Variants in ROBO1 observed in about 807,000 individuals in gnomAD.
ROBO1 encodes roundabout guidance receptor 1.
A neutral mutation model predicts 195.9 loss-of-function variants in ROBO1; 149 were observed. The observed-to-expected ratio is 0.76, with a 90% CI of 0.67 to 0.87. The LOEUF (loss-of-function observed/expected upper bound fraction) is 0.87. ROBO1 is among the 40% of genes least tolerant of loss of function. The probability of loss-of-function intolerance (pLI) is 0.00; values close to 1 mark genes in which losing one functional copy is unlikely to be tolerated. For synonymous variants in ROBO1, 816 were observed against 733.2 expected (o/e 1.11, Z -1.82); for missense variants, 1,933 against 2,068.3 (o/e 0.93, Z 1.27).
chr3:79,335,133 C>T (rs542336874), intron 2 of ROBO1, among the ~76,000 whole-genome samples: 10 of 151,908 alleles, frequency 6.6e-5, no homozygotes, highest in Admixed American at 2.6e-4. Flanking sequence ...AAACAAAAAA[C>T]GCAAAATGGA....
rs527755400 is a variant in ROBO1, at chr3:79,193,386, A to G, written c.89-67847T>C. Among the ~76,000 whole-genome samples, 3 of 151,736 alleles carry G rather than the reference A, an allele frequency of 2.0e-5. No homozygotes were observed. In the South Asian group the frequency reaches 6.2e-4, roughly 32 times the overall value. Reference sequence around the variant, plus strand: ...ATTTAATGGTCAAAATGACCTCATGAAATAGTCATTATTATTCTCATGTTA... The same window carrying G: ...ATTTAATGGTCAAAATGACCTCATGGAATAGTCATTATTATTCTCATGTTA... On this transcript the variant is annotated intron_variant, in intron 2 of 30. Coordinates refer to ENST00000464233, the MANE Select transcript of ROBO1 (RefSeq NM_002941.4).
At position 79,728,039 on chromosome 3, in the gene ROBO1, G is replaced by A. The variant is rs147577943; in HGVS notation, c.-51+39713C>T. 2.8e-3 allele frequency among the ~76,000 whole-genome samples: 419 copies of A among 151,900 alleles called. 2 individuals carry two copies. The highest frequency in any genetic ancestry group is 8.3e-3 in the African/African-American group (343 of 41,444). On this transcript the variant is annotated intron_variant, in intron 1 of 30. Transcript: ENST00000464233. ...CTTCAAAATTAGAAAAAATAATCAC[G>A]CCCCAAGTGCTTATCTTGTTATGTC...
chr3:79,750,613 A>T (rs1289279872), intron 1 of ROBO1, among the ~76,000 whole-genome samples: 1 of 152,180 alleles, frequency 6.6e-6, no homozygotes, highest in Non-Finnish European at 1.5e-5. Context: ...GTGACAGTGA[A>T]TGAATCTCCT....
intron 2 of ROBO1, among the ~76,000 whole-genome samples, chr3:79,169,790 C>T (rs2081134545): frequency 6.6e-6 from 1 of 151,988 alleles, no homozygotes; most frequent in Non-Finnish European, 1.5e-5. Flanking sequence ...TATCTCAATT[C>T]AAAATTTCAC....
intron 28 of ROBO1, among the ~76,000 whole-genome samples, chr3:78,609,556 A>G (rs1399129931): frequency 1.3e-5 from 2 of 152,232 alleles, no homozygotes; most frequent in Non-Finnish European, 2.9e-5. Context: ...CTAACCAGGT[A>G]GTTATACAGA....
chr3:79,351,501 A>G lies in ROBO1; in HGVS notation c.89-225962T>C, dbSNP rs1166460113. ...ATTTTTTTTGTTTGTTTATTTTTAA[A>G]TAACAGTGAACCAAAAAACCAAAAA... On this transcript the variant is annotated intron_variant, in intron 2 of 30. Coordinates refer to ENST00000464233, the MANE Select transcript of ROBO1 (RefSeq NM_002941.4). 2.6e-5 allele frequency among the ~76,000 whole-genome samples: 4 copies of G among 152,158 alleles called. No individual in the cohort carries two copies. The East Asian group carries it at 7.7e-4, about 29-fold the overall frequency.
At chr3:79,036,214 C>T (rs965992048) in intron 3 of ROBO1, among the ~76,000 whole-genome samples, 1 of 151,716 alleles carries the variant, frequency 6.6e-6, no homozygotes, top group Non-Finnish European at 1.5e-5. Flanking sequence ...TTTTATTTTC[C>T]TCATCTTCTC....
intron 4 of ROBO1, among the ~76,000 whole-genome samples, chr3:78,808,093 A>G (rs2084606120): frequency 6.6e-6 from 1 of 152,216 alleles, no homozygotes; most frequent in South Asian, 2.1e-4. Context: ...AATTTGTTAT[A>G]AAAAATAACT....
intron 18 of ROBO1, among the ~76,000 whole-genome samples, chr3:78,652,860 C>T (rs964796598): frequency 6.6e-6 from 1 of 151,778 alleles, no homozygotes; most frequent in Non-Finnish European, 1.5e-5. Context: ...CCCAGCCACA[C>T]AAGGGGCCTG....
intron 1 of ROBO1, among the ~76,000 whole-genome samples, chr3:79,672,193 C>G: frequency 6.6e-6 from 1 of 151,988 alleles, no homozygotes; most frequent in East Asian, 1.9e-4. Flanking sequence ...GCACAGCATG[C>G]AGAGACAGTA....
At chr3:78,827,035 CTA>C (rs375807470) in intron 4 of ROBO1, among the ~76,000 whole-genome samples, 34 of 152,108 alleles carry the variant, frequency 2.2e-4, no homozygotes, top group African/African-American at 7.9e-4. Flanking sequence ...AAATAGGAAA[CTA>C]AATGCTGACT....
At chr3:79,287,786 C>T (rs1470760279) in intron 2 of ROBO1, among the ~76,000 whole-genome samples, 1 of 152,142 alleles carries the variant, frequency 6.6e-6, no homozygotes, top group South Asian at 2.1e-4. Context: ...TTTAAATATA[C>T]TAATACTTGA....
chr3:79,472,688 T>G (rs530010557), intron 2 of ROBO1, among the ~76,000 whole-genome samples: 13 of 152,282 alleles, frequency 8.5e-5, no homozygotes, highest in African/African-American at 3.1e-4. Flanking sequence ...TTGAGTGTCA[T>G]TAAATTACTA....
At chr3:79,257,108 T>C (rs2082848255) in intron 2 of ROBO1, among the ~76,000 whole-genome samples, 3 of 152,162 alleles carry the variant, frequency 2.0e-5, no homozygotes, top group Admixed American at 6.5e-5. Flanking sequence ...GAAAGTAAGT[T>C]TGAAATTGTA....
At chr3:78,952,303 C>A (rs1326675003) in intron 3 of ROBO1, among the ~76,000 whole-genome samples, 5 of 150,402 alleles carry the variant, frequency 3.3e-5, no homozygotes. Flanking sequence ...TATTAATAGA[C>A]AATTAATAGA....
At chr3:79,462,405 A>G (rs11918657) in intron 2 of ROBO1, among the ~76,000 whole-genome samples, 5,239 of 152,282 alleles carry the variant, frequency 0.034, 206 homozygotes, top group African/African-American at 0.098. Flanking sequence ...TAAAGTTTTT[A>G]TTTTGTTCTA....
intron 2 of ROBO1, among the ~76,000 whole-genome samples, chr3:79,143,134 C>T (rs1227051206): frequency 2.0e-5 from 3 of 152,102 alleles, no homozygotes; most frequent in Non-Finnish European, 4.4e-5. Context: ...ATGTGTTCCT[C>T]TTTTCTTAGA....
chr3:79,624,962 C>T (rs1945122892), intron 1 of ROBO1, among the ~76,000 whole-genome samples: 1 of 152,132 alleles, frequency 6.6e-6, no homozygotes, highest in South Asian at 2.1e-4. Flanking sequence ...AAACACTCCT[C>T]AACAAATGCA....
At chr3:79,502,512 A>G (rs1343324007) in intron 2 of ROBO1, among the ~76,000 whole-genome samples, 1 of 150,176 alleles carries the variant, frequency 6.7e-6, no homozygotes, top group Non-Finnish European at 1.5e-5. Flanking sequence ...CCCCACCGCC[A>G]TGGGCTCCTG....
Sources: gnomAD v4.1 joint callset for allele counts (sites outside exome capture counted in the v4.1 genomes callset) on GRCh38, gnomAD v4.1.1 for gene constraint, MANE v1.5 for transcripts, NCBI Gene and HGNC (gene_info 2026-07-23, HGNC 2026-07-21) for gene names.